C2orf76: variants seen among roughly 807,000 people sequenced by gnomAD.
C2orf76 encodes chromosome 2 open reading frame 76.
A neutral mutation model predicts 16.9 loss-of-function variants in C2orf76; 23 were observed. That is an observed-to-expected ratio of 1.36 (90% CI 0.98 to 1.93). The LOEUF is 1.93. C2orf76 is among the 30% of genes most tolerant of loss of function. C2orf76 has a pLI of 0.00. For missense variants in C2orf76, 152 were observed against 152.6 expected, an observed-to-expected ratio of 1.00 and a Z score of 0.02; for synonymous variants, 48 against 52.3, an observed-to-expected ratio of 0.92 and a Z score of 0.35.
At chr2:119,341,495 A>G (rs759529725) in intron 1 of C2orf76, among the ~76,000 whole-genome samples, 3 of 152,250 alleles carry the variant, frequency 2.0e-5, no homozygotes, top group African/African-American at 7.2e-5. Context: ...AGTATGGTTA[A>G]CTTTACATAC....
chr2:119,321,123 A>C (rs1396458421), intron 3 of C2orf76, 31 bp downstream of exon 3: 1 of 1,170,566 alleles, frequency 8.5e-7, no homozygotes, highest in Admixed American at 2.5e-5. Flanking sequence ...TTGTATTTAT[A>C]TATATTTTAA....
upstream of C2orf76, chr2:119,367,041 A>C (rs1296575427): frequency 6.2e-7 from 1 of 1,613,942 alleles, no homozygotes; most frequent in Non-Finnish European, 8.5e-7. Context: ...AGTTCTTGCA[A>C]GTCGGCCAGG....
At chr2:119,294,925 C>G in the C2orf76 span, among the ~76,000 whole-genome samples, 6 of 151,950 alleles carry the variant, frequency 3.9e-5, no homozygotes, top group African/African-American at 1.2e-4. Context: ...TAGAGGATCT[C>G]AAGTCAGGGA....
chr2:119,301,551 A>C (rs536610274), downstream of C2orf76, among the ~76,000 whole-genome samples: 133 of 151,398 alleles, frequency 8.8e-4, no homozygotes, highest in Non-Finnish European at 1.6e-3. Flanking sequence ...TCAGGGAGCA[A>C]TGGCAGAGCT....
chr2:119,366,538 A>C, intron 1 of C2orf76: 1 of 470,560 alleles, frequency 2.1e-6, no homozygotes, highest in South Asian at 1.5e-5. Context: ...GGTCTCCTCT[A>C]GACCCCAAGG....
chr2:119,340,032 CT>C (rs1679976828), intron 1 of C2orf76, 61 bp from the exon 2 acceptor site: 4 of 1,551,896 alleles, frequency 2.6e-6, no homozygotes, highest in Non-Finnish European at 3.5e-6. Flanking sequence ...CTACCAGCAC[CT>C]AGCCTGCATC....
At chr2:119,363,582 C>T (rs1288350245) in intron 1 of C2orf76, among the ~76,000 whole-genome samples, 1 of 152,162 alleles carries the variant, frequency 6.6e-6, no homozygotes, top group East Asian at 1.9e-4. Flanking sequence ...ACTCTAGTTA[C>T]TAGAGCAACT....
chr2:119,293,414 G>A, the C2orf76 span, among the ~76,000 whole-genome samples: 2 of 152,348 alleles, frequency 1.3e-5, no homozygotes, highest in South Asian at 2.1e-4. Context: ...CTGGCCCTGG[G>A]GCGTGCATAT....
chr2:119,360,910 T>G (rs1002760620), intron 1 of C2orf76, among the ~76,000 whole-genome samples: 13 of 152,214 alleles, frequency 8.5e-5, no homozygotes, highest in African/African-American at 3.1e-4. Flanking sequence ...TTTCATGATA[T>G]ATAACATTAT....
chr2:119,314,223 G>A (rs113363212), intron 4 of C2orf76, among the ~76,000 whole-genome samples: 210 of 151,604 alleles, frequency 1.4e-3, no homozygotes, highest in Middle Eastern at 0.014. Context: ...ATTTTTCATC[G>A]TGGAGAATTT....
intron 2 of C2orf76, among the ~76,000 whole-genome samples, chr2:119,337,580 A>G (rs1252580237): frequency 2.6e-5 from 4 of 152,182 alleles, no homozygotes; most frequent in African/African-American, 9.7e-5. Context: ...TATGTACACA[A>G]TTCATAAAAG....
At chr2:119,325,457 C>CA (rs59581840) in intron 2 of C2orf76, among the ~76,000 whole-genome samples, 7,874 of 59,336 alleles carry the variant, frequency 0.13, 826 homozygotes, top group East Asian at 0.26. Flanking sequence ...AAGACTGTCT[C>CA]AAAAAAAAAA....
At chr2:119,361,073 TG>T (rs2104653422) in intron 1 of C2orf76, among the ~76,000 whole-genome samples, 1 of 152,324 alleles carries the variant, frequency 6.6e-6, no homozygotes, top group African/African-American at 2.4e-5. Flanking sequence ...GTCAATGTAT[TG>T]ATTGTGTTAT....
chr2:119,351,521 C>T (rs113146350), intron 1 of C2orf76, among the ~76,000 whole-genome samples: 1 of 152,136 alleles, frequency 6.6e-6, no homozygotes, highest in African/African-American at 2.4e-5. Flanking sequence ...GAGGCCCAGG[C>T]GGGAGGATCA....
intron 1 of C2orf76, among the ~76,000 whole-genome samples, chr2:119,347,470 T>A (rs989135265): frequency 8.5e-5 from 13 of 152,222 alleles, no homozygotes; most frequent in Non-Finnish European, 1.5e-5. Flanking sequence ...GTTGTGTTTT[T>A]AAGTCCTTAT....
chr2:119,308,176 GA>G (rs2104539290), intron 5 of C2orf76, among the ~76,000 whole-genome samples: 1 of 152,198 alleles, frequency 6.6e-6, no homozygotes, highest in East Asian at 1.9e-4. Context: ...GTAAACTGTA[GA>G]AAAATTTTTA....
intron 1 of C2orf76, among the ~76,000 whole-genome samples, chr2:119,350,225 GA>G (rs1198074644): frequency 5.3e-5 from 8 of 151,444 alleles, no homozygotes; most frequent in African/African-American, 1.7e-4. Flanking sequence ...TTGAGATGTG[GA>G]AAAAAAATCA....
chr2:119,338,164 T>G (rs948434696), intron 2 of C2orf76, among the ~76,000 whole-genome samples: 1 of 152,230 alleles, frequency 6.6e-6, no homozygotes, highest in African/African-American at 2.4e-5. Flanking sequence ...CCCCAAAATA[T>G]GCCTCTTTAG....
chr2:119,283,392 C>G, the C2orf76 span, among the ~76,000 whole-genome samples: 7 of 152,240 alleles, frequency 4.6e-5, no homozygotes, highest in African/African-American at 1.4e-4. Flanking sequence ...TTCCTGCCTC[C>G]TCCTTCCTGC....
Sources: allele counts gnomAD v4.1 joint callset (sites outside exome capture counted in the v4.1 genomes callset), GRCh38; gene constraint gnomAD v4.1.1; transcripts MANE v1.5; gene names NCBI Gene and HGNC (gene_info 2026-07-23, HGNC 2026-07-21).